The following UNC80 variants were observed in gnomAD, a reference collection of about 807,000 sequenced individuals.
UNC80 encodes the protein protein unc-80 homolog.
A neutral mutation model predicts 384.6 loss-of-function variants in UNC80; 164 were observed. The ratio of observed to expected loss-of-function variants is 0.43; its 90% CI spans 0.38 to 0.49. The LOEUF (loss-of-function observed/expected upper bound fraction) is 0.49. UNC80 is among the 20% of genes least tolerant of loss of function. The probability of loss-of-function intolerance (pLI) is 0.00; values close to 1 mark genes in which losing one functional copy is unlikely to be tolerated. For synonymous variants in UNC80, 1,486 were observed against 1,527.8 expected (o/e 0.97, Z 0.64); for missense variants, 3,330 against 4,143.0 (o/e 0.80, Z 5.39).
Position 209,839,479 on chromosome 2 carries a change from G to A in UNC80, c.3250+49G>A. 6.5e-7 allele frequency: 1 copy of A among 1,544,150 alleles called. No individual in the cohort carries two copies. The highest frequency in any genetic ancestry group is 8.8e-7 in the Non-Finnish European group (1 of 1,140,764). On this transcript the variant is annotated intron_variant, in intron 19 of 64. Coordinates refer to ENST00000673920, the MANE Select transcript of UNC80 (RefSeq NM_001371986.1). This position sits in a 1 kb window ranked among gnomAD's most constrained non-coding sequence, Gnocchi z 4.1. ...TATGGATTATCTTATTACCAACCAT[G>A]TCCTCAGATCAACTCAGTGATGCAT...
rs1464477605 is a variant in UNC80, at chr2:209,904,779, G to T, written c.4596G>T (p.Leu1532=). The part of the protein sequence containing the change: ...NMSWLHVMIL[L]CNQQSFICTH... ...TTGTATTCCAGGTGATGATCTTGCTGTGCAATCAGCAGAGTTTCATCTGCA... is the reference window on the plus strand; with the variant it reads ...TTGTATTCCAGGTGATGATCTTGCTTTGCAATCAGCAGAGTTTCATCTGCA... The change falls in exon 29 of 65, where the codon CTG becomes CTT. Residue 1532 remains leucine, a synonymous_variant. Coordinates refer to ENST00000673920, the MANE Select transcript of UNC80 (RefSeq NM_001371986.1). 6.4e-7 allele frequency: 1 copy of T among 1,551,856 alleles called. No individual in the cohort carries two copies. Among genetic ancestry groups the T allele is most frequent in the African/African-American group, 1.4e-5 (1 of 73,034 alleles).
In UNC80 at chr2:209,994,220, C is replaced by T; in HGVS notation, c.9664C>T (p.Pro3222Ser). 6.4e-7 allele frequency: 1 copy of T among 1,551,242 alleles called. No homozygotes were observed. The highest frequency in any genetic ancestry group is 8.7e-7 in the Non-Finnish European group (1 of 1,146,820). Residue 3222 changes from proline to serine, a missense_variant, in exon 64 of 65, where the codon CCC becomes TCC. Coordinates refer to ENST00000673920, the MANE Select transcript of UNC80 (RefSeq NM_001371986.1). ...GGACGAACCAGTCCTCACATCTTCT[C>T]CCGCCATAGTTGTTGCGGATCTCCA... ...AMDEPVLTSS[P>S]AIVVADLHSV...
intron 58 of UNC80, among the ~76,000 whole-genome samples, chr2:209,977,859 A>AATGTAATAT (rs1318928668): frequency 2.0e-5 from 3 of 152,214 alleles, no homozygotes; most frequent in African/African-American, 7.2e-5. Context: ...CCACAAGTAA[A>AATGTAATAT]ATGTAATATG....
chr2:209,959,682 C>A lies in UNC80; in HGVS notation c.7780C>A (p.Leu2594Met). Residue 2594 changes from leucine to methionine, a missense_variant, in exon 51 of 65, where the codon CTG (leucine) becomes ATG (methionine). Physicochemically the swap from Leu to Met is conservative, Grantham distance 15. Transcript: ENST00000673920. ...GGAGCCTCGGGTCATTGCCTTGGAACTGCTGGATGTGAAGTCTCACATGAG... is the reference window on the plus strand; with the variant it reads ...GGAGCCTCGGGTCATTGCCTTGGAAATGCTGGATGTGAAGTCTCACATGAG... ...AGEPRVIALE[L>M]LDVKSHMRLA... 1 of 1,551,564 alleles carries A rather than the reference C, an allele frequency of 6.4e-7. No homozygotes were observed. The highest frequency in any genetic ancestry group is 8.7e-7 in the Non-Finnish European group (1 of 1,146,982).
chr2:209,816,875 C>T (rs768418751), intron 9 of UNC80, 34 bp from the exon 10 acceptor site: 96 of 1,544,422 alleles, frequency 6.2e-5, no homozygotes, highest in Non-Finnish European at 8.3e-5. Context: ...TTTTCTTTGC[C>T]CTGTGCCTAA....
At chr2:209,942,123 A>G (rs987241301) in intron 44 of UNC80, among the ~76,000 whole-genome samples, 1 of 152,138 alleles carries the variant, frequency 6.6e-6, no homozygotes, top group Non-Finnish European at 1.5e-5. Flanking sequence ...CTAGATTTTC[A>G]TAGGAGCTGG....
At chr2:209,865,399 G>C (rs1450771374) in intron 22 of UNC80, among the ~76,000 whole-genome samples, 1 of 151,970 alleles carries the variant, frequency 6.6e-6, no homozygotes, top group East Asian at 1.9e-4. Flanking sequence ...TCAGGAGATC[G>C]AGACCATCCT....
Position 209,872,435 on chromosome 2 carries a change from A to G in UNC80, c.3628-323A>G, listed in dbSNP as rs1157950278. 6.6e-6 allele frequency among the ~76,000 whole-genome samples: 1 copy of G among 152,188 alleles called. No homozygotes were observed. Among genetic ancestry groups the G allele is most frequent in the Non-Finnish European group, 1.5e-5 (1 of 68,028 alleles). Reference sequence around the variant, plus strand: ...ACCTCACTAAAAGCTCTTTCACTCTACACTCAAATCGCTGTCACCCTTAAA... The same window carrying G: ...ACCTCACTAAAAGCTCTTTCACTCTGCACTCAAATCGCTGTCACCCTTAAA... On this transcript the variant is annotated intron_variant, in intron 22 of 64. Transcript: ENST00000673920. The surrounding 1 kb of genome is among the most constrained non-coding windows in gnomAD (Gnocchi z 4.1).
chr2:209,878,773 A>G (rs2085006128), intron 24 of UNC80, among the ~76,000 whole-genome samples: 1 of 152,186 alleles, frequency 6.6e-6, no homozygotes, highest in African/African-American at 2.4e-5. Flanking sequence ...CCTTTTATGG[A>G]ATACAAAATT....
chr2:209,808,721 C>G (rs17803849), intron 7 of UNC80: 2 of 162,676 alleles, frequency 1.2e-5, no homozygotes, highest in South Asian at 9.1e-5. Flanking sequence ...AGCGGCTGCA[C>G]TCATTGCTCC....
intron 37 of UNC80, 40 bp from the exon 38 acceptor site, chr2:209,930,928 G>A: frequency 7.3e-7 from 1 of 1,369,082 alleles, no homozygotes; most frequent in Non-Finnish European, 1.0e-6. Context: ...CTACAGCATG[G>A]CAGCTGAAGG....
intron 48 of UNC80, among the ~76,000 whole-genome samples, chr2:209,954,659 G>T (rs2092333172): frequency 6.6e-6 from 1 of 152,144 alleles, no homozygotes; most frequent in Non-Finnish European, 1.5e-5. Flanking sequence ...ATGAGACATG[G>T]AATGCCTACA....
chr2:209,973,375 G>C (rs1387616949), intron 56 of UNC80, 105 bp downstream of exon 56: 3 of 1,115,224 alleles, frequency 2.7e-6, no homozygotes, highest in Non-Finnish European at 3.8e-6. Flanking sequence ...GATGTACTTA[G>C]TTAAGTTCCA....
intron 26 of UNC80, among the ~76,000 whole-genome samples, chr2:209,889,987 C>T (rs923192342): frequency 3.9e-5 from 6 of 152,102 alleles, no homozygotes; most frequent in African/African-American, 1.4e-4. Flanking sequence ...TGTGAGCCAA[C>T]GTGCCCAGCT....
chr2:209,973,036 C>T (rs1296715216), intron 55 of UNC80, 28 bp from the exon 56 acceptor site: 2 of 1,549,122 alleles, frequency 1.3e-6, no homozygotes, highest in Non-Finnish European at 1.7e-6. Context: ...TTTCTTTCCA[C>T]TTCCGTCTTC....
chr2:209,920,009 A>G (rs2089907159), intron 33 of UNC80, among the ~76,000 whole-genome samples: 1 of 152,150 alleles, frequency 6.6e-6, no homozygotes, highest in African/African-American at 2.4e-5. Flanking sequence ...ATTGTACTAA[A>G]AGTTCAAAAA....
At chr2:209,775,864 A>ATTGTTT in intron 2 of UNC80, 25 bp from the exon 3 acceptor site, 1 of 1,602,440 alleles carries the variant, frequency 6.2e-7, no homozygotes, top group Non-Finnish European at 8.5e-7. Flanking sequence ...GGCTTTTCTT[A>ATTGTTT]TTGTTTTTGT....
chr2:209,842,555 C>A (rs1467493323), intron 21 of UNC80, 109 bp downstream of exon 21: 2 of 796,578 alleles, frequency 2.5e-6, no homozygotes, highest in East Asian at 2.7e-5. Flanking sequence ...TCATTCATTT[C>A]TTTCTCATAC....
intron 54 of UNC80, 74 bp from the exon 55 acceptor site, chr2:209,972,127 C>A: frequency 1.3e-6 from 2 of 1,511,384 alleles, no homozygotes; most frequent in Admixed American, 2.1e-5. Context: ...CCGTCTCCAT[C>A]ATACTGTGTA....
Sources: gnomAD v4.1 joint callset for allele counts (sites outside exome capture counted in the v4.1 genomes callset) on GRCh38, gnomAD v4.1.1 for gene constraint, Gnocchi (gnomAD v3.1) non-coding constraint, MANE v1.5 for transcripts, NCBI Gene and HGNC (gene_info 2026-07-23, HGNC 2026-07-21) for gene names.